The following IRAG2 variants were observed in gnomAD, a reference collection of about 807,000 sequenced individuals.
IRAG2 encodes lymphoid restricted membrane protein.
A neutral mutation model predicts 69.9 loss-of-function variants in IRAG2; 45 were observed. The observed-to-expected ratio is 0.64, with a 90% confidence interval of 0.51 to 0.83. The LOEUF (loss-of-function observed/expected upper bound fraction) is 0.83, where lower values mean the gene tolerates loss of function less well. Ranked by LOEUF, IRAG2 falls within the 40% of genes least tolerant of loss-of-function variation. The pLI, the probability that IRAG2 is intolerant of heterozygous loss-of-function variation, is 0.00. For missense variants in IRAG2, 520 were observed against 587.0 expected (o/e 0.89, Z 1.18); for synonymous variants, 193 against 202.4 (o/e 0.95, Z 0.40).
At chr12:25,091,271 C>G (rs1180618703) in intron 14 of IRAG2, among the ~76,000 whole-genome samples, 1 of 152,158 alleles carries the variant, frequency 6.6e-6, no homozygotes, top group Non-Finnish European at 1.5e-5. Context: ...CCTCCTTACC[C>G]CATCCCCTGG....
intron 16 of IRAG2, among the ~76,000 whole-genome samples, chr12:25,044,176 T>C (rs182912041): frequency 2.7e-4 from 41 of 152,258 alleles, no homozygotes; most frequent in African/African-American, 9.9e-4. Flanking sequence ...AGAGTTTTTA[T>C]ATGTGATGGA....
Position 25,061,623 on chromosome 12 carries a change from T to C in IRAG2, c.-415T>C, listed in dbSNP as rs1945644263. 2 of 398,504 alleles carry C rather than the reference T, an allele frequency of 5.0e-6. No homozygotes were observed. Among genetic ancestry groups the C allele is most frequent in the Admixed American group, 8.8e-5 (2 of 22,722 alleles). The allele number at this position is 398,504 out of a possible 1,614,324, so 24.7% of individuals were successfully genotyped here. A position where few individuals can be genotyped will look rare whatever the true frequency, so the allele number is the denominator to read the frequency against. On this transcript the variant is annotated 5_prime_UTR_variant, in exon 2 of 22. Transcript: ENST00000556887. Reference sequence around the variant, plus strand: ...TTGAGTCACTTCAAAAGGAGTTCATTGAAGGGGAACACCATGGCTTGCTGT... The same window carrying C: ...TTGAGTCACTTCAAAAGGAGTTCATCGAAGGGGAACACCATGGCTTGCTGT...
At chr12:25,015,934 G>A (rs569872549) in intron 5 of IRAG2, among the ~76,000 whole-genome samples, 4 of 152,312 alleles carry the variant, frequency 2.6e-5, no homozygotes, top group South Asian at 2.1e-4. Context: ...GGTGCCTCAC[G>A]CCTGTAATCC....
At chr12:25,030,340 T>C (rs903702397) in intron 10 of IRAG2, 1 of 1,230,870 alleles carries the variant, frequency 8.1e-7, no homozygotes, top group African/African-American at 1.6e-5. Flanking sequence ...AGAAGGTTGG[T>C]ATTGTTCCTT....
rs74616025 is a variant in IRAG2 at position 25,102,357 on chromosome 12, T to C, written c.933+116T>C. On this transcript the variant is annotated intron_variant, in intron 17 of 21. Coordinates refer to ENST00000556887, the MANE Select transcript of IRAG2 (RefSeq NM_001366544.2). ...AACAAAATAGTGATTTTAATTCATA[T>C]AGATGTATTTGTTTATCTAAGTATG... The C allele has an allele frequency of 2.9e-3, 2,241 of 763,480 alleles. 42 individuals carry two copies. The African/African-American group carries it at 0.035, about 12-fold the overall frequency. 47.3% of individuals were successfully genotyped at this position (763,480 alleles called of 1,614,324 possible).
upstream of IRAG2, among the ~76,000 whole-genome samples, chr12:25,000,621 C>T (rs1038343904): frequency 6.6e-6 from 1 of 152,118 alleles, no homozygotes; most frequent in Admixed American, 6.5e-5. Flanking sequence ...GAGACCCAGT[C>T]TCTACAAAAT....
At chr12:25,043,566 T>A (rs1008690512) in intron 16 of IRAG2, among the ~76,000 whole-genome samples, 1 of 152,062 alleles carries the variant, frequency 6.6e-6, no homozygotes, top group African/African-American at 2.4e-5. Flanking sequence ...AATGTTTCAA[T>A]TTTTCTGGAT....
At chr12:25,089,835 G>A (rs1171918258) in intron 13 of IRAG2, 45 bp downstream of exon 13, 2 of 1,590,796 alleles carry the variant, frequency 1.3e-6, no homozygotes, top group African/African-American at 2.7e-5. Context: ...AAGTGTTCCA[G>A]ACTCACCTGC....
intron 6 of IRAG2, among the ~76,000 whole-genome samples, chr12:25,074,420 A>G (rs1012638721): frequency 6.6e-6 from 1 of 152,186 alleles, no homozygotes; most frequent in Non-Finnish European, 1.5e-5. Flanking sequence ...CTCACCGACT[A>G]GTGGCTTCCA....
Position 25,090,200 on chromosome 12 carries a change from G to C in IRAG2, c.606+3G>C, listed in dbSNP as rs1259616731. Reference sequence around the variant, plus strand: ...CTAACTGTTTAAAACTATTAGAGGTGAGAATCAGAACATTTGGGATATAAA... The same window carrying C: ...CTAACTGTTTAAAACTATTAGAGGTCAGAATCAGAACATTTGGGATATAAA... On this transcript the variant is annotated splice_donor_region_variant and intron_variant, in intron 14 of 21. Transcript: ENST00000556887. 6.2e-7 allele frequency: 1 copy of C among 1,613,024 alleles called. No individual in the cohort carries two copies. Among genetic ancestry groups the C allele is most frequent in the Non-Finnish European group, 8.5e-7 (1 of 1,179,332 alleles).
At chr12:25,072,754 TA>T (rs896031693) in intron 6 of IRAG2, among the ~76,000 whole-genome samples, 4 of 152,236 alleles carry the variant, frequency 2.6e-5, no homozygotes, top group African/African-American at 9.6e-5. Context: ...AGTCCCTCTC[TA>T]AACTGGTTGC....
At chr12:25,000,208 G>T (rs1226848829), upstream of IRAG2, among the ~76,000 whole-genome samples, 6 of 152,364 alleles carry the variant, frequency 3.9e-5, no homozygotes, top group East Asian at 1.2e-3. Context: ...CACTTTGGGA[G>T]GCTGTGTTGG....
At chr12:25,068,138 A>G (rs1247203821) in intron 5 of IRAG2, among the ~76,000 whole-genome samples, 1 of 150,902 alleles carries the variant, frequency 6.6e-6, no homozygotes, top group Non-Finnish European at 1.5e-5. Flanking sequence ...ACAGCACTTG[A>G]CCTTGTATTT....
chr12:25,035,821 G>A (rs1361427677), intron 14 of IRAG2: 4 of 398,708 alleles, frequency 1.0e-5, no homozygotes, highest in East Asian at 7.1e-5. Context: ...ATGGTGTTCC[G>A]TTTTGGCTGG....
At chr12:25,073,736 T>C (rs932778859) in intron 6 of IRAG2, among the ~76,000 whole-genome samples, 2 of 151,098 alleles carry the variant, frequency 1.3e-5, no homozygotes, top group Admixed American at 6.7e-5. Context: ...TTTGGGATAT[T>C]CTGGTGTAGT....
At chr12:25,075,300 T>C (rs1946608337) in intron 6 of IRAG2, among the ~76,000 whole-genome samples, 1 of 152,144 alleles carries the variant, frequency 6.6e-6, no homozygotes, top group Non-Finnish European at 1.5e-5. Context: ...TATTTAAGTA[T>C]CAGTTATCTA....
chr12:25,074,605 G>A (rs1565559339), intron 6 of IRAG2, among the ~76,000 whole-genome samples: 2 of 151,980 alleles, frequency 1.3e-5, no homozygotes, highest in East Asian at 1.9e-4. Flanking sequence ...TGTAACATAC[G>A]CAAAATACCT....
intron 2 of IRAG2, among the ~76,000 whole-genome samples, chr12:25,006,906 A>G (rs1439184769): frequency 1.3e-5 from 2 of 152,188 alleles, no homozygotes; most frequent in African/African-American, 2.4e-5. Context: ...AAGTATATAA[A>G]TGATTCATGC....
At chr12:25,040,455 A>G (rs946428954) in intron 16 of IRAG2, among the ~76,000 whole-genome samples, 1 of 152,166 alleles carries the variant, frequency 6.6e-6, no homozygotes, top group Admixed American at 6.5e-5. Context: ...GTGAGCTATA[A>G]TTGTGCCAGT....
Sources: gnomAD v4.1 joint callset for allele counts (sites outside exome capture counted in the v4.1 genomes callset) on GRCh38, gnomAD v4.1.1 for gene constraint, MANE v1.5 for transcripts, NCBI Gene and HGNC (gene_info 2026-07-23, HGNC 2026-07-21) for gene names.